The following VPS45 variants were observed in gnomAD, a reference collection of about 807,000 sequenced individuals.
VPS45 encodes vacuolar protein sorting 45 homolog.
A neutral mutation model predicts 75.9 loss-of-function variants in VPS45; 35 were observed. That is an observed-to-expected ratio of 0.46 (90% CI 0.35 to 0.61). VPS45 has a LOEUF of 0.61. VPS45 is among the 20% of genes least tolerant of loss of function. The pLI is 0.00. For missense variants in VPS45, 559 were observed against 685.9 expected (o/e 0.81, Z 2.07); for synonymous variants, 220 against 238.2 (o/e 0.92, Z 0.70).
chr1:150,096,203 T>C (rs1656643023), intron 13 of VPS45, among the ~76,000 whole-genome samples: 1 of 152,112 alleles, frequency 6.6e-6, no homozygotes, highest in Non-Finnish European at 1.5e-5. Context: ...ATTAGTAATA[T>C]TAAAACCTCT....
intron 14 of VPS45, among the ~76,000 whole-genome samples, chr1:150,122,486 G>A (rs944936476): frequency 3.3e-5 from 5 of 152,194 alleles, no homozygotes; most frequent in Admixed American, 2.0e-4. Flanking sequence ...AATGCAGTGC[G>A]AGAGGCATCA....
At chr1:150,101,895 A>G (rs1210128319) in intron 13 of VPS45, among the ~76,000 whole-genome samples, 3 of 152,106 alleles carry the variant, frequency 2.0e-5, no homozygotes, top group Admixed American at 6.5e-5. Context: ...TGACCTAGCA[A>G]TCCCATTACT....
In VPS45 at chr1:150,124,552, C is replaced by CTTTTTTTTTTT. The variant is rs1415553849; in HGVS notation, c.1625+13928_1625+13938dup. Among the ~76,000 whole-genome samples the CTTTTTTTTTTT allele has an allele frequency of 2.0e-4, 28 of 140,220 alleles. 5 individuals are homozygous for CTTTTTTTTTTT. The highest frequency in any genetic ancestry group is 4.3e-4 in the South Asian group (2 of 4,616). The allele number at this position is 140,220 out of a possible 152,430, so 92.0% of individuals were successfully genotyped here. A position where few individuals can be genotyped will look rare whatever the true frequency, so the allele number is the denominator to read the frequency against. On this transcript the variant is annotated intron_variant, in intron 14 of 14. Coordinates refer to ENST00000644510, the MANE Select transcript of VPS45 (RefSeq NM_007259.5). ...AATATGTTGGCTTTTTTTCTTTTTT[C>CTTTTTTTTTTT]TTTTTTTTTTTTTGAGACAGAGTCT...
chr1:150,093,697 CAG>C (rs1283383137), intron 13 of VPS45, 49 bp downstream of exon 13: 4 of 1,580,432 alleles, frequency 2.5e-6, no homozygotes, highest in South Asian at 1.2e-5. Flanking sequence ...ACTGAACAAA[CAG>C]AAAATTTAGA....
At chr1:150,068,284 T>C in intron 1 of VPS45, 1 of 366,586 alleles carries the variant, frequency 2.7e-6, no homozygotes, top group Non-Finnish European at 4.9e-6. Flanking sequence ...GTTTTTAAAG[T>C]AAAGCTGTTG....
intron 13 of VPS45, among the ~76,000 whole-genome samples, chr1:150,107,537 A>G (rs1020595034): frequency 8.5e-5 from 13 of 152,112 alleles, no homozygotes; most frequent in African/African-American, 2.9e-4. Context: ...CTAGCCTTTT[A>G]TTCTCCAACT....
intron 10 of VPS45, among the ~76,000 whole-genome samples, chr1:150,087,791 G>C (rs372422881): frequency 2.0e-5 from 3 of 152,148 alleles, no homozygotes; most frequent in Admixed American, 6.5e-5. Flanking sequence ...CCATGAGTTG[G>C]GTCCTAAGGG....
chr1:150,070,583 G>A (rs373103136), intron 2 of VPS45, among the ~76,000 whole-genome samples: 18 of 151,120 alleles, frequency 1.2e-4, no homozygotes, highest in Non-Finnish European at 2.4e-4. Flanking sequence ...ACGAGGTCAG[G>A]AGATCGAGAC....
chr1:150,141,641 G>C (rs116515424), intron 14 of VPS45, among the ~76,000 whole-genome samples: 1 of 152,158 alleles, frequency 6.6e-6, no homozygotes, highest in African/African-American at 2.4e-5. Flanking sequence ...TCTATACATG[G>C]AGTCAGGAAA....
chr1:150,082,067 G>T, intron 9 of VPS45, 70 bp downstream of exon 9: 3 of 930,952 alleles, frequency 3.2e-6, no homozygotes, highest in Non-Finnish European at 3.3e-6. Flanking sequence ...CAACACTTTT[G>T]GAATCTTCTG....
At chr1:150,130,127 A>G (rs1553811956) in intron 14 of VPS45, among the ~76,000 whole-genome samples, 1 of 151,212 alleles carries the variant, frequency 6.6e-6, no homozygotes, top group African/African-American at 2.4e-5. Flanking sequence ...GGTCTCCCAA[A>G]GTGCTGGGAT....
At chr1:150,130,470 G>C (rs1553812111) in intron 14 of VPS45, among the ~76,000 whole-genome samples, 1 of 151,984 alleles carries the variant, frequency 6.6e-6, no homozygotes, top group African/African-American at 2.4e-5. Flanking sequence ...GAGATTATAG[G>C]CATAAACCAC....
intron 3 of VPS45, 35 bp from the exon 4 acceptor site, chr1:150,076,198 T>C (rs1655373172): frequency 2.6e-6 from 4 of 1,544,850 alleles, no homozygotes; most frequent in East Asian, 2.3e-5. Flanking sequence ...GCAGAAATTA[T>C]CTCCTTTGAG....
chr1:150,096,033 A>G (rs73011246), intron 13 of VPS45, among the ~76,000 whole-genome samples: 6,611 of 152,236 alleles, frequency 0.043, 471 homozygotes, highest in African/African-American at 0.15. Flanking sequence ...AGAAGCCAGA[A>G]TCAATAGTCA....
intron 10 of VPS45, among the ~76,000 whole-genome samples, chr1:150,088,552 T>C (rs1656150476): frequency 6.9e-6 from 1 of 143,898 alleles, no homozygotes; most frequent in Non-Finnish European, 1.5e-5. Context: ...CAATCTTGGC[T>C]CACTACAACT....
At chr1:150,068,499 C>G in intron 1 of VPS45, 131 bp from the exon 2 acceptor site, 2 of 777,642 alleles carry the variant, frequency 2.6e-6, no homozygotes, top group Non-Finnish European at 3.6e-6. Flanking sequence ...TTTGGATGTT[C>G]AGTAAATGTT....
intron 14 of VPS45, among the ~76,000 whole-genome samples, chr1:150,122,814 C>T (rs1658305123): frequency 6.6e-6 from 1 of 151,764 alleles, no homozygotes; most frequent in Non-Finnish European, 1.5e-5. Flanking sequence ...GCCTGGCCAA[C>T]ATGGTGAAGC....
chr1:150,081,793 A>G (rs1386204308), intron 8 of VPS45, 91 bp from the exon 9 acceptor site: 4 of 830,920 alleles, frequency 4.8e-6, no homozygotes, highest in Non-Finnish European at 7.6e-6. Flanking sequence ...CTGCCCTTCA[A>G]TTCTGTGTTC....
intron 13 of VPS45, among the ~76,000 whole-genome samples, chr1:150,101,602 C>T (rs932753701): frequency 1.2e-4 from 18 of 151,634 alleles, no homozygotes; most frequent in African/African-American, 3.4e-4. Context: ...GGCCTGGTGG[C>T]GCGTGCCTGT....
Sources: gnomAD v4.1 joint callset for allele counts (sites outside exome capture counted in the v4.1 genomes callset) on GRCh38, gnomAD v4.1.1 for gene constraint, MANE v1.5 for transcripts, NCBI Gene and HGNC (gene_info 2026-07-23, HGNC 2026-07-21) for gene names.